The following NCOA2 variants were observed in gnomAD, a reference collection of about 807,000 sequenced individuals.
NCOA2 encodes the protein nuclear receptor coactivator 2.
NCOA2 carries 21 observed loss-of-function variants against 145.1 expected under a neutral mutation model. That is an observed-to-expected ratio of 0.14 (90% CI 0.10 to 0.21). The LOEUF (loss-of-function observed/expected upper bound fraction) is 0.21. Ranked by LOEUF, NCOA2 falls within the 10% of genes least tolerant of loss-of-function variation. The pLI is 1.00. For missense variants in NCOA2, 1,472 were observed against 1,837.6 expected, an observed-to-expected ratio of 0.80 and a Z score of 3.64; for synonymous variants, 619 against 637.5, an observed-to-expected ratio of 0.97 and a Z score of 0.44.
intron 5 of NCOA2, among the ~76,000 whole-genome samples, chr8:70,171,958 G>T (rs528465236): frequency 3.3e-5 from 5 of 152,020 alleles, no homozygotes; most frequent in Admixed American, 6.6e-5. Context: ...CAAGTAGCTG[G>T]AACTACAGGC....
chr8:70,166,512 T>A (rs1585921769), intron 7 of NCOA2, 54 bp downstream of exon 7: 3 of 1,575,566 alleles, frequency 1.9e-6, no homozygotes, highest in African/African-American at 2.7e-5. Context: ...GTGAAGGAAG[T>A]AGCACAGGAA....
chr8:70,299,571 G>GA (rs1347330541), intron 1 of NCOA2, among the ~76,000 whole-genome samples: 2 of 152,160 alleles, frequency 1.3e-5, no homozygotes, highest in East Asian at 3.9e-4. Flanking sequence ...AAAAGTACAT[G>GA]AAAAAATACT....
intron 1 of NCOA2, among the ~76,000 whole-genome samples, chr8:70,324,630 C>CA (rs777649399): frequency 4.1e-4 from 58 of 141,412 alleles, no homozygotes; most frequent in Admixed American, 2.0e-3. Flanking sequence ...TGTCCAACCC[C>CA]AAAAAAAAAA....
intron 1 of NCOA2, among the ~76,000 whole-genome samples, chr8:70,376,358 TACACACACACGCAC>T (rs1406781383): frequency 1.3e-5 from 2 of 151,030 alleles, no homozygotes; most frequent in Non-Finnish European, 2.9e-5. Context: ...AGTGGCCCAG[TACACACACACGCAC>T]ACACACACAC....
At chr8:70,128,360 C>T (rs1808685801) in intron 18 of NCOA2, 73 bp downstream of exon 18, 1 of 1,335,698 alleles carries the variant, frequency 7.5e-7, no homozygotes, top group Admixed American at 2.0e-5. Context: ...AGTTAACTTT[C>T]TTCAGAGAGG....
In NCOA2 at chr8:70,123,868, C is replaced by G; in HGVS notation, c.4293+16G>C. The G allele has an allele frequency of 1.3e-6, 2 of 1,581,758 alleles. No individual in the cohort carries two copies. The highest frequency in any genetic ancestry group is 1.7e-6 in the Non-Finnish European group (2 of 1,159,444). ...GTGATATGAAGCCACTGGGTTGCTT[C>G]TCCTTGGGCACTCACCTGCTCGGGA... is the stretch of plus-strand genomic sequence containing the variant. On this transcript the variant is annotated intron_variant, in intron 21 of 22. Coordinates refer to ENST00000452400, the MANE Select transcript of NCOA2 (RefSeq NM_006540.4).
intron 1 of NCOA2, among the ~76,000 whole-genome samples, chr8:70,323,991 C>T (rs1806324321): frequency 6.6e-6 from 1 of 152,186 alleles, no homozygotes; most frequent in Admixed American, 6.5e-5. Flanking sequence ...CTACCCATTA[C>T]TGGTCCCACA....
intron 5 of NCOA2, among the ~76,000 whole-genome samples, chr8:70,173,322 C>A (rs2132710868): frequency 6.6e-6 from 1 of 152,090 alleles, no homozygotes; most frequent in East Asian, 1.9e-4. Flanking sequence ...CTAATGTTCC[C>A]CCCACCCCAA....
the NCOA2 span, among the ~76,000 whole-genome samples, chr8:70,454,738 G>C: frequency 2.0e-5 from 3 of 152,174 alleles, no homozygotes; most frequent in African/African-American, 7.2e-5. Flanking sequence ...GGATACCCCT[G>C]TTGTCCTCAT....
At chr8:70,446,969 G>A in the NCOA2 span, among the ~76,000 whole-genome samples, 1 of 151,982 alleles carries the variant, frequency 6.6e-6, no homozygotes, top group Non-Finnish European at 1.5e-5. Context: ...AAATGTTTTC[G>A]CTAAAATCAC....
intron 6 of NCOA2, 38 bp downstream of exon 6, chr8:70,170,164 T>C (rs768114699): frequency 6.3e-7 from 1 of 1,591,158 alleles, no homozygotes; most frequent in East Asian, 2.3e-5. Context: ...CAGGTGGGGG[T>C]GACGGGAGGT....
At chr8:70,442,320 C>T in the NCOA2 span, among the ~76,000 whole-genome samples, 8 of 152,138 alleles carry the variant, frequency 5.3e-5, no homozygotes, top group Non-Finnish European at 1.2e-4. Context: ...ACTTTTAGGG[C>T]TGAAGAACAT....
chr8:70,377,372 A>G (rs1294870015), intron 1 of NCOA2, among the ~76,000 whole-genome samples: 1 of 152,054 alleles, frequency 6.6e-6, no homozygotes, highest in Admixed American at 6.5e-5. Flanking sequence ...AATAATTAGA[A>G]AAGGAATAGT....
At position 70,138,340 on chromosome 8, in the gene NCOA2, G is replaced by C. The variant is rs1358265238; in HGVS notation, c.3029-8C>G. ...TCTCTAATTCAGATGGCCCTAGAAA[G>C]GGAGAAGAAAAAAATCTTACATCTT... On this transcript the variant is annotated splice_region_variant and splice_polypyrimidine_tract_variant and intron_variant, in intron 14 of 22. Coordinates refer to ENST00000452400, the MANE Select transcript of NCOA2 (RefSeq NM_006540.4). The C allele has an allele frequency of 6.3e-7, 1 of 1,587,018 alleles. No homozygotes were observed. The highest frequency in any genetic ancestry group is 8.5e-7 in the Non-Finnish European group (1 of 1,170,052).
the NCOA2 span, among the ~76,000 whole-genome samples, chr8:70,449,545 C>T: frequency 6.6e-6 from 1 of 152,242 alleles, no homozygotes; most frequent in Non-Finnish European, 1.5e-5. Context: ...AGGGAGAGAG[C>T]TGGCAGGATC....
Position 70,138,204 on chromosome 8 carries a change from T to C in NCOA2, c.3157A>G (p.Arg1053Gly). The change falls in exon 15 of 23, where the codon AGG becomes GGG. Residue 1053 changes from arginine to glycine, a missense_variant and splice_region_variant. Arg to Gly is a moderately radical substitution (Grantham distance 125, BLOSUM62 -2). Coordinates refer to ENST00000452400, the MANE Select transcript of NCOA2 (RefSeq NM_006540.4). ...IDQASFASQNRQPFGSSPDDL... is the reference protein window; with the variant it reads ...IDQASFASQNGQPFGSSPDDL... ...CTACCCTAGGTGCTCAGGACTCACC[T>C]GTTTTGGCTGGCAAAAGACGCCTGG... The C allele has an allele frequency of 6.2e-7, 1 of 1,612,318 alleles. No homozygotes were observed.
At chr8:70,182,594 T>A (rs930165439) in intron 4 of NCOA2, among the ~76,000 whole-genome samples, 1 of 152,222 alleles carries the variant, frequency 6.6e-6, no homozygotes, top group African/African-American at 2.4e-5. Context: ...AATGCTTTTG[T>A]TCATGGGAAT....
At chr8:70,358,604 T>A (rs1254855708) in intron 1 of NCOA2, among the ~76,000 whole-genome samples, 1 of 152,112 alleles carries the variant, frequency 6.6e-6, no homozygotes, top group African/African-American at 2.4e-5. Context: ...ATATAAAAAA[T>A]TAATTCAAAA....
At chr8:70,336,921 TGGAGG>T (rs1563778089) in intron 1 of NCOA2, among the ~76,000 whole-genome samples, 1 of 152,092 alleles carries the variant, frequency 6.6e-6, no homozygotes, top group Non-Finnish European at 1.5e-5. Context: ...GTGTCCACTC[TGGAGG>T]GGCCATGTGA....
Sources: gnomAD v4.1 joint callset for allele counts (sites outside exome capture counted in the v4.1 genomes callset) on GRCh38, gnomAD v4.1.1 for gene constraint, MANE v1.5 for transcripts, NCBI Gene and HGNC (gene_info 2026-07-23, HGNC 2026-07-21) for gene names.